TENT4B: variants seen among roughly 807,000 people sequenced by gnomAD.
TENT4B encodes the protein PAP associated domain containing 5.
A neutral mutation model predicts 75.0 loss-of-function variants in TENT4B; 10 were observed. The observed-to-expected ratio is 0.13, with a 90% CI of 0.08 to 0.23. The LOEUF (loss-of-function observed/expected upper bound fraction) is 0.23. Ranked by LOEUF, TENT4B falls within the 10% of genes least tolerant of loss-of-function variation. TENT4B has a pLI of 1.00. For missense variants in TENT4B, 579 were observed against 893.8 expected, an observed-to-expected ratio of 0.65 and a Z score of 4.49; for synonymous variants, 350 against 357.7, an observed-to-expected ratio of 0.98 and a Z score of 0.24.
chr16:50,234,336 G>C lies in TENT4B; in HGVS notation c.*5008G>C, dbSNP rs2032385202. The C allele has an allele frequency of 3.1e-6, 3 of 967,946 alleles. No homozygotes were observed. The highest frequency in any genetic ancestry group is 3.6e-6 in the Non-Finnish European group (3 of 822,880). 60.0% of individuals were successfully genotyped at this position (967,946 alleles called of 1,614,324 possible). ...GGGTAGGGGAGGGAAAGGAGGACTTGGAAAAGCATTCTCCAAAGCCAGCAA... is the reference window on the plus strand; with the variant it reads ...GGGTAGGGGAGGGAAAGGAGGACTTCGAAAAGCATTCTCCAAAGCCAGCAA... On this transcript the variant is annotated 3_prime_UTR_variant, in exon 12 of 12. Coordinates refer to ENST00000561678, the MANE Select transcript of TENT4B (RefSeq NM_001365324.3).
intron 1 of TENT4B, among the ~76,000 whole-genome samples, chr16:50,162,248 C>G (rs958896262): frequency 3.0e-4 from 46 of 151,976 alleles, no homozygotes; most frequent in African/African-American, 1.1e-3. Flanking sequence ...TTGGCTATTG[C>G]AAATAAAGCT....
chr16:50,228,131 A>T, intron 11 of TENT4B, 128 bp downstream of exon 11: 4 of 1,189,684 alleles, frequency 3.4e-6, no homozygotes, highest in Non-Finnish European at 4.7e-6. Context: ...ATTTTATTCT[A>T]AGAGGTTCCA....
Position 50,233,645 on chromosome 16 carries a change from T to C in TENT4B, c.*4317T>C, listed in dbSNP as rs906981244. 1 of 983,794 alleles carries C rather than the reference T, an allele frequency of 1.0e-6. No individual in the cohort carries two copies. Among genetic ancestry groups the C allele is most frequent in the Admixed American group, 6.2e-5 (1 of 16,246 alleles). The allele number at this position is 983,794 out of a possible 1,614,324, so 60.9% of individuals were successfully genotyped here. A position where few individuals can be genotyped will look rare whatever the true frequency, so the allele number is the denominator to read the frequency against. The stretch of plus-strand genomic sequence containing the variant: ...ATATTTGAGGACAGTTTTTAGTTAA[T>C]AAACTGCTAATGTTTATTTTACTGT... On this transcript the variant is annotated 3_prime_UTR_variant, in exon 12 of 12. Coordinates refer to ENST00000561678, the MANE Select transcript of TENT4B (RefSeq NM_001365324.3).
chr16:50,194,461 C>T (rs897231129), intron 1 of TENT4B, among the ~76,000 whole-genome samples: 11 of 152,052 alleles, frequency 7.2e-5, no homozygotes, highest in Admixed American at 6.6e-4. Flanking sequence ...GCGATCCACC[C>T]GCCTCTGCCT....
chr16:50,206,735 C>A (rs773757777), intron 1 of TENT4B, among the ~76,000 whole-genome samples: 31 of 152,104 alleles, frequency 2.0e-4, no homozygotes, highest in Non-Finnish European at 3.8e-4. Context: ...GCAGAAGCTA[C>A]TAAGCAACTC....
Position 50,154,055 on chromosome 16 carries a change from TC to T in TENT4B, c.438del (p.Ala147ProfsTer93). The T allele has an allele frequency of 6.5e-7, 1 of 1,529,086 alleles. No individual in the cohort carries two copies. Among genetic ancestry groups the T allele is most frequent in the East Asian group, 2.5e-5 (1 of 40,580 alleles). 94.7% of individuals were successfully genotyped at this position (1,529,086 alleles called of 1,614,324 possible). A position where few individuals can be genotyped will look rare whatever the true frequency, so the allele number is the denominator to read the frequency against. On this transcript the variant is annotated frameshift_variant, in exon 1 of 12. Coordinates refer to ENST00000561678, the MANE Select transcript of TENT4B (RefSeq NM_001365324.3). LOFTEE classifies it high-confidence loss of function. ...ASSSPHPSAA[V>X]PAADPADSAS... ...TCGTCCCCGCACCCTTCGGCCGCCG[TC>T]CCCGCCGCCGATCCAGCCGATTCGG...
chr16:50,208,510 T>G (rs910030305), intron 1 of TENT4B, among the ~76,000 whole-genome samples: 2 of 151,516 alleles, frequency 1.3e-5, no homozygotes, highest in Admixed American at 1.3e-4. Context: ...ACCCAGTCCA[T>G]CCTGGGCAGC....
chr16:50,228,015 G>A lies in TENT4B; in HGVS notation c.1965+12G>A, dbSNP rs1330082555. 1.4e-5 allele frequency: 23 copies of A among 1,610,890 alleles called. No homozygotes were observed. In the South Asian group the frequency reaches 1.7e-4, roughly 12 times the overall value. ...CCAACAAATCTCAGGTGTGTGGAAC[G>A]TGGGTTTTTAATTGTTAGTATTTGA... On this transcript the variant is annotated intron_variant, in intron 11 of 11. Transcript: ENST00000561678.
chr16:50,201,146 A>G (rs78818863), intron 1 of TENT4B, among the ~76,000 whole-genome samples: 2,643 of 152,312 alleles, frequency 0.017, 33 homozygotes, highest in Non-Finnish European at 0.028. Flanking sequence ...ATAGGACCTC[A>G]TAAAAGTCAG....
Position 50,217,582 on chromosome 16 carries a change from T to C in TENT4B, c.957T>C (p.Ser319=). Residue 319 remains serine (S), a synonymous_variant, in exon 5 of 12, where the codon TCT becomes TCC. Transcript: ENST00000561678. ...ATVPIIKLTD[S]FTEVKVDISF... is the part of the protein sequence containing the mutation. ...TACCTATTATTAAATTAACAGATTC[T>C]TTTACTGAAGTGAAAGTTGATATCA... The C allele has an allele frequency of 6.6e-7, 1 of 1,523,068 alleles. No homozygotes were observed. The highest frequency in any genetic ancestry group is 8.8e-7 in the Non-Finnish European group (1 of 1,135,858). 94.3% of individuals were successfully genotyped at this position (1,523,068 alleles called of 1,614,324 possible). A position where few individuals can be genotyped will look rare whatever the true frequency, so the allele number is the denominator to read the frequency against.
rs377593610 is a variant in TENT4B at position 50,227,880 on chromosome 16, T to C, written c.1842T>C (p.Leu614=). 6.7e-5 allele frequency: 108 copies of C among 1,613,914 alleles called. No homozygotes were observed. Among genetic ancestry groups the C allele is most frequent in the Admixed American group, 5.0e-5 (3 of 60,008 alleles). The change falls in exon 11 of 12, where the codon CTT becomes CTC. Residue 614 remains leucine (L), a synonymous_variant. Coordinates refer to ENST00000561678, the MANE Select transcript of TENT4B (RefSeq NM_001365324.3). Reference sequence around the variant, plus strand: ...CATGCAAAACCCCGAAACAGCTGCTTTGCCGTCCGTCCACTGGGAACCGAG... The same window carrying C: ...CATGCAAAACCCCGAAACAGCTGCTCTGCCGTCCGTCCACTGGGAACCGAG... ...ATPCKTPKQL[L]CRPSTGNRVG...
rs2032264390 is a variant in TENT4B at position 50,230,677 on chromosome 16, T to G, written c.*1349T>G. ...TTGTTATCGTTAATTAAAACTTTTT[T>G]AAACATTGGCTTGTTTCAATCATAC... On this transcript the variant is annotated 3_prime_UTR_variant, in exon 12 of 12. Coordinates refer to ENST00000561678, the MANE Select transcript of TENT4B (RefSeq NM_001365324.3). 1.9e-5 allele frequency: 19 copies of G among 985,576 alleles called. No homozygotes were observed. The highest frequency in any genetic ancestry group is 2.3e-5 in the Non-Finnish European group (19 of 829,768). 61.1% of individuals were successfully genotyped at this position (985,576 alleles called of 1,614,324 possible).
intron 1 of TENT4B, among the ~76,000 whole-genome samples, chr16:50,182,824 G>T (rs1485447265): frequency 1.4e-5 from 2 of 144,102 alleles, no homozygotes; most frequent in Admixed American, 1.4e-4. Flanking sequence ...AGATTGTGAG[G>T]TTTAACAGTG....
chr16:50,200,472 A>G (rs981693391), intron 1 of TENT4B, among the ~76,000 whole-genome samples: 1 of 152,172 alleles, frequency 6.6e-6, no homozygotes, highest in African/African-American at 2.4e-5. Flanking sequence ...CTGTCTTTCA[A>G]AGTGGCTGCG....
rs144476085 is a variant in TENT4B, at chr16:50,197,662, C to G, written c.639-13661C>G. Among the ~76,000 whole-genome samples, 156 of 152,250 alleles carry G rather than the reference C, an allele frequency of 1.0e-3. 2 individuals carry two copies. Among genetic ancestry groups the G allele is most frequent in the East Asian group, 0.01 (52 of 5,184 alleles). On this transcript the variant is annotated intron_variant, in intron 1 of 11. Transcript: ENST00000561678. ...GCCAGAGTAGGTTCAGAGACTCCAG[C>G]ACAGCCATGTCGTGGAAAAAGATTT...
chr16:50,217,496 C>T, intron 4 of TENT4B, 60 bp from the exon 5 acceptor site: 2 of 915,452 alleles, frequency 2.2e-6, no homozygotes, highest in East Asian at 2.9e-5. Context: ...GCTTCCATCC[C>T]CTGATTTTAT....
At chr16:50,221,072 A>G (rs541195082) in intron 5 of TENT4B, among the ~76,000 whole-genome samples, 3 of 152,186 alleles carry the variant, frequency 2.0e-5, no homozygotes, top group Admixed American at 2.0e-4. Context: ...AGATCATTTG[A>G]GCTTAGGAGT....
chr16:50,217,181 A>C (rs1301904476), intron 4 of TENT4B, among the ~76,000 whole-genome samples: 1 of 152,230 alleles, frequency 6.6e-6, no homozygotes, highest in Non-Finnish European at 1.5e-5. Flanking sequence ...ATGTCAACTA[A>C]TAAATGAGAT....
chr16:50,153,959 A>G lies in TENT4B; in HGVS notation c.338A>G (p.Asn113Ser). The G allele has an allele frequency of 6.5e-7, 1 of 1,533,128 alleles. No individual in the cohort carries two copies. The highest frequency in any genetic ancestry group is 2.5e-5 in the East Asian group (1 of 40,674). The allele number at this position is 1,533,128 out of a possible 1,614,324, so 95.0% of individuals were successfully genotyped here. Residue 113 changes from asparagine to serine, a missense_variant, in exon 1 of 12, where the codon AAC becomes AGC. Asn to Ser is a conservative substitution (Grantham distance 46). Coordinates refer to ENST00000561678, the MANE Select transcript of TENT4B (RefSeq NM_001365324.3). ...FLPLETTNNN[N>S]NHHQPGAWAR... ...CCCCTAGAGACGACCAACAACAACA[A>G]CAACCACCACCAGCCCGGGGCCTGG...
Sources: allele counts gnomAD v4.1 joint callset (sites outside exome capture counted in the v4.1 genomes callset), GRCh38; gene constraint gnomAD v4.1.1; transcripts MANE v1.5; gene names NCBI Gene and HGNC (gene_info 2026-07-23, HGNC 2026-07-21).